Variants in CCSER2 observed in about 807,000 individuals in gnomAD.
CCSER2 encodes serine-rich coiled-coil domain-containing protein 2.
CCSER2 carries 46 observed loss-of-function variants against 92.3 expected under a neutral mutation model. The observed-to-expected ratio is 0.50, with a 90% CI of 0.39 to 0.64. The LOEUF (loss-of-function observed/expected upper bound fraction) is 0.64, where lower values mean the gene tolerates loss of function less well. CCSER2 is among the 30% of genes least tolerant of loss of function. The pLI, the probability that CCSER2 is intolerant of heterozygous loss-of-function variation, is 0.00. For synonymous variants in CCSER2, 433 were observed against 431.4 expected (o/e 1.00, Z -0.04); for missense variants, 1,244 against 1,238.9 (o/e 1.00, Z -0.06).
intron 3 of CCSER2, among the ~76,000 whole-genome samples, chr10:84,413,756 C>T (rs1842764539): frequency 1.3e-5 from 2 of 152,100 alleles, no homozygotes; most frequent in Non-Finnish European, 2.9e-5. Flanking sequence ...TAATGTCTCC[C>T]ACTATTATTG....
intron 5 of CCSER2, among the ~76,000 whole-genome samples, chr10:84,432,771 G>A (rs1843857674): frequency 6.6e-6 from 1 of 151,986 alleles, no homozygotes; most frequent in Non-Finnish European, 1.5e-5. Context: ...CACTTTTCAT[G>A]TTATATCCAA....
At chr10:84,393,179 T>G (rs1394565192) in intron 3 of CCSER2, among the ~76,000 whole-genome samples, 3 of 152,114 alleles carry the variant, frequency 2.0e-5, no homozygotes, top group Non-Finnish European at 2.9e-5. Context: ...TTTTTTAGGA[T>G]CTGTTAGGAA....
chr10:84,397,573 A>G (rs1841910763), intron 3 of CCSER2, among the ~76,000 whole-genome samples: 1 of 152,230 alleles, frequency 6.6e-6, no homozygotes, highest in Non-Finnish European at 1.5e-5. Flanking sequence ...ATTTTGATTT[A>G]TTAAATATAT....
At chr10:84,391,513 G>C in intron 3 of CCSER2, 1 of 1,519,466 alleles carries the variant, frequency 6.6e-7, no homozygotes, top group Non-Finnish European at 9.1e-7. Context: ...TGCCAATACT[G>C]GGAATCAACC....
At chr10:84,347,331 C>T (rs1844547769) in intron 1 of CCSER2, among the ~76,000 whole-genome samples, 1 of 152,216 alleles carries the variant, frequency 6.6e-6, no homozygotes, top group South Asian at 2.1e-4. Flanking sequence ...CACAGGGGCT[C>T]CTCACTTCCC....
At position 84,513,818 on chromosome 10, in the gene CCSER2, C is replaced by G. The variant is rs1849492994; in HGVS notation, c.2695C>G (p.Gln899Glu). 2.0e-6 allele frequency: 3 copies of G among 1,536,242 alleles called. No homozygotes were observed. The highest frequency in any genetic ancestry group is 2.6e-6 in the Non-Finnish European group (3 of 1,146,890). Residue 899 changes from glutamine to glutamate, a missense_variant, in exon 10 of 10, where the codon CAG becomes GAG. Gln to Glu is a conservative substitution (Grantham distance 29). Coordinates refer to ENST00000372088, the MANE Select transcript of CCSER2 (RefSeq NM_001284240.2). The part of the protein sequence containing the change: ...QTPPESSTVD[Q>E]AKRVGRNQSP... ...ACCTCCCGAGTCAAGTACAGTAGACCAGGCTAAGAGAGTTGGAAGAAATCA... is the reference window on the plus strand; with the variant it reads ...ACCTCCCGAGTCAAGTACAGTAGACGAGGCTAAGAGAGTTGGAAGAAATCA...
intron 9 of CCSER2, among the ~76,000 whole-genome samples, chr10:84,486,992 A>G (rs1242052043): frequency 6.6e-6 from 1 of 152,174 alleles, no homozygotes. Context: ...ACCATTTATT[A>G]AATAGGGAAT....
intron 6 of CCSER2, among the ~76,000 whole-genome samples, chr10:84,441,782 G>C (rs920348863): frequency 1.9e-5 from 2 of 102,724 alleles, no homozygotes; most frequent in African/African-American, 7.9e-5. Context: ...TTTTTGAGAC[G>C]AAGTCTCGCT....
chr10:84,403,722 C>T (rs989506974), intron 3 of CCSER2, among the ~76,000 whole-genome samples: 2 of 152,168 alleles, frequency 1.3e-5, no homozygotes, highest in South Asian at 4.1e-4. Flanking sequence ...ATTAAAATCA[C>T]ATTCTATACA....
chr10:84,347,389 G>A (rs1026255076), intron 1 of CCSER2, among the ~76,000 whole-genome samples: 185 of 151,382 alleles, frequency 1.2e-3, no homozygotes, highest in Non-Finnish European at 2.2e-3. Flanking sequence ...CGGACGGGGC[G>A]GCTGGCCGGG....
chr10:84,399,766 A>C (rs1202940024), intron 3 of CCSER2, among the ~76,000 whole-genome samples: 1 of 123,488 alleles, frequency 8.1e-6, no homozygotes, highest in African/African-American at 3.0e-5. Context: ...GTTTTCATTT[A>C]TTTTTTAAAC....
At chr10:84,367,382 CTT>C (rs36111629) in intron 1 of CCSER2, among the ~76,000 whole-genome samples, 1 of 145,774 alleles carries the variant, frequency 6.9e-6, no homozygotes, top group African/African-American at 2.5e-5. Flanking sequence ...CTCCTCGATA[CTT>C]TTTTTTTTTT....
chr10:84,346,549 A>T, intron 1 of CCSER2, among the ~76,000 whole-genome samples: 1 of 152,100 alleles, frequency 6.6e-6, no homozygotes, highest in Non-Finnish European at 1.5e-5. Flanking sequence ...ATGTAGGAGG[A>T]ACATCTAATC....
chr10:84,433,519 T>C (rs1843916228), intron 5 of CCSER2, among the ~76,000 whole-genome samples: 2 of 151,996 alleles, frequency 1.3e-5, no homozygotes. Context: ...AATCACAAAC[T>C]TTTAGATTAG....
At chr10:84,444,896 A>G (rs987906839) in intron 6 of CCSER2, among the ~76,000 whole-genome samples, 5 of 152,180 alleles carry the variant, frequency 3.3e-5, no homozygotes, top group Non-Finnish European at 7.3e-5. Context: ...CAACATCATT[A>G]TGGGATAAGA....
chr10:84,431,583 A>T (rs1212155808), intron 5 of CCSER2, among the ~76,000 whole-genome samples: 1 of 152,210 alleles, frequency 6.6e-6, no homozygotes, highest in Non-Finnish European at 1.5e-5. Context: ...TGACAAAAAA[A>T]TCAAAAAAAT....
chr10:84,444,122 C>A (rs1452901869), intron 6 of CCSER2, among the ~76,000 whole-genome samples: 2 of 151,568 alleles, frequency 1.3e-5, no homozygotes, highest in Non-Finnish European at 2.9e-5. Flanking sequence ...CACATGTATC[C>A]CAGAAGTTAA....
intron 3 of CCSER2, among the ~76,000 whole-genome samples, chr10:84,377,386 A>G (rs1201069139): frequency 1.3e-5 from 2 of 152,188 alleles, no homozygotes; most frequent in Admixed American, 1.3e-4. Context: ...TGTGAGATAG[A>G]TGTCACGATT....
intron 7 of CCSER2, among the ~76,000 whole-genome samples, chr10:84,465,933 G>A (rs1477576394): frequency 6.6e-6 from 1 of 152,048 alleles, no homozygotes; most frequent in Non-Finnish European, 1.5e-5. Context: ...TGTATTTTTA[G>A]TAGAGACGGG....
Sources: allele counts gnomAD v4.1 joint callset (sites outside exome capture counted in the v4.1 genomes callset), GRCh38; gene constraint gnomAD v4.1.1; transcripts MANE v1.5; gene names NCBI Gene and HGNC (gene_info 2026-07-23, HGNC 2026-07-21).